The following CARD19 variants were observed in gnomAD, a reference collection of about 807,000 sequenced individuals.
CARD19 encodes the protein caspase recruitment domain-containing protein 19.
CARD19 carries 25 observed loss-of-function variants against 24.1 expected under a neutral mutation model. The observed-to-expected ratio is 1.04, with a 90% CI of 0.76 to 1.45. CARD19 has a LOEUF of 1.45. Ranked by LOEUF, CARD19 falls within the 40% of genes most tolerant of loss-of-function variation. The pLI, the probability that CARD19 is intolerant of heterozygous loss-of-function variation, is 0.00. For synonymous variants in CARD19, 103 were observed against 104.9 expected, an observed-to-expected ratio of 0.98 and a Z score of 0.11; for missense variants, 241 against 247.4, an observed-to-expected ratio of 0.97 and a Z score of 0.17.
At chr9:93,111,675 C>G in intron 3 of CARD19, 1 of 1,392,130 alleles carries the variant, frequency 7.2e-7, no homozygotes, top group Non-Finnish European at 9.3e-7. Flanking sequence ...CTCCCGGGTG[C>G]CTTTAGGCCC....
Position 93,110,695 on chromosome 9 carries a change from G to A in CARD19, c.278G>A (p.Ser93Asn), listed in dbSNP as rs376748435. 5.0e-6 allele frequency: 8 copies of A among 1,611,692 alleles called. No individual in the cohort carries two copies. The highest frequency in any genetic ancestry group is 6.8e-6 in the Non-Finnish European group (8 of 1,179,784). The change falls in exon 3 of 6, where the codon AGC (serine) becomes AAC (asparagine). Residue 93 changes from serine (S) to asparagine (N), a missense_variant. Coordinates refer to ENST00000375464, the MANE Select transcript of CARD19 (RefSeq NM_032310.5). ...ALYIHAQPLH[S>N]RLPSRHALQN... ...TATATCCATGCCCAGCCCCTGCACA[G>A]CCGCCTGCCCAGCCGCCACGCTCTG...
chr9:93,096,245 G>T lies in CARD19; in HGVS notation c.-101G>T. On this transcript the variant is annotated 5_prime_UTR_variant, in exon 1 of 6. Transcript: ENST00000375464. The surrounding 1 kb of genome is among the most constrained non-coding windows in gnomAD (Gnocchi z 5.4). ...AAGGGGCGGGCGAGCACGGCCCGCGGGCGGCGTTCGCTGGAGCTGGTGGAC... is the reference window on the plus strand; with the variant it reads ...AAGGGGCGGGCGAGCACGGCCCGCGTGCGGCGTTCGCTGGAGCTGGTGGAC... 1 of 1,173,654 alleles carries T rather than the reference G, an allele frequency of 8.5e-7. No homozygotes were observed. Among genetic ancestry groups the T allele is most frequent in the Non-Finnish European group, 1.1e-6 (1 of 937,950 alleles). 72.7% of individuals were successfully genotyped at this position (1,173,654 alleles called of 1,614,324 possible). A position where few individuals can be genotyped will look rare whatever the true frequency, so the allele number is the denominator to read the frequency against.
At chr9:93,111,550 C>T (rs1827485404) in intron 3 of CARD19, 1 of 1,226,236 alleles carries the variant, frequency 8.2e-7, no homozygotes, top group Non-Finnish European at 1.0e-6. Context: ...AGGGGAGGCC[C>T]AGCCCTGCAG....
chr9:93,103,481 T>A (rs1276626091), intron 1 of CARD19, among the ~76,000 whole-genome samples: 1 of 152,234 alleles, frequency 6.6e-6, no homozygotes, highest in Non-Finnish European at 1.5e-5. Flanking sequence ...AAAACTTGTA[T>A]TTTTTTGGTT....
At chr9:93,112,024 G>T in intron 4 of CARD19, 86 bp downstream of exon 4, 1 of 1,514,444 alleles carries the variant, frequency 6.6e-7, no homozygotes, top group South Asian at 1.2e-5. Context: ...CCGCCTCAGG[G>T]GCTTCTCCAC....
intron 1 of CARD19, among the ~76,000 whole-genome samples, chr9:93,106,544 G>T (rs1827263640): frequency 6.6e-6 from 1 of 150,412 alleles, no homozygotes; most frequent in South Asian, 2.1e-4. Flanking sequence ...CTCCAGCTTG[G>T]GTGACAGAGC....
At chr9:93,111,155 C>G (rs769756494) in intron 3 of CARD19, 20 of 1,213,690 alleles carry the variant, frequency 1.6e-5, no homozygotes, top group Non-Finnish European at 1.8e-5. Context: ...TTCATTGCAG[C>G]GATCTGCACA....
chr9:93,103,301 G>A (rs1827148857), intron 1 of CARD19, among the ~76,000 whole-genome samples: 1 of 152,124 alleles, frequency 6.6e-6, no homozygotes, highest in Non-Finnish European at 1.5e-5. Context: ...AGGTGGGATG[G>A]TTCCAGGAAT....
In CARD19 at chr9:93,112,989, T is replaced by C. The variant is rs772784339; in HGVS notation, c.437-3T>C. ...AGCTTTTGCCTCCCCTTTTGTCTTC[T>C]AGACCCCAAGGGCCTGCCAGGGACC... is the stretch of plus-strand genomic sequence containing the variant. On this transcript the variant is annotated splice_region_variant and splice_polypyrimidine_tract_variant and intron_variant, in intron 5 of 5. Transcript: ENST00000375464. 1.9e-6 allele frequency: 3 copies of C among 1,602,470 alleles called. No homozygotes were observed. The highest frequency in any genetic ancestry group is 2.6e-6 in the Non-Finnish European group (3 of 1,172,932).
intron 1 of CARD19, among the ~76,000 whole-genome samples, chr9:93,107,046 C>T (rs1827288837): frequency 1.3e-5 from 2 of 152,168 alleles, no homozygotes; most frequent in East Asian, 3.9e-4. Context: ...TGGGAGAACT[C>T]ACTGGTTTAT....
chr9:93,103,988 C>T (rs1827167110), intron 1 of CARD19, among the ~76,000 whole-genome samples: 1 of 152,188 alleles, frequency 6.6e-6, no homozygotes, highest in Non-Finnish European at 1.5e-5. Flanking sequence ...ACCATAGCAT[C>T]TTCTAGACCT....
intron 1 of CARD19, among the ~76,000 whole-genome samples, chr9:93,099,788 G>A (rs1017432502): frequency 8.5e-5 from 13 of 152,234 alleles, no homozygotes; most frequent in African/African-American, 3.1e-4. Context: ...GTGCAGGTGA[G>A]GGCTGAGCCA....
chr9:93,105,183 C>T (rs62573571), intron 1 of CARD19, among the ~76,000 whole-genome samples: 13,542 of 104,506 alleles, frequency 0.13, 739 homozygotes, highest in Middle Eastern at 0.17. Flanking sequence ...TGTGTGCACG[C>T]GCGTGTGTGT....
rs760887140 is a variant in CARD19 at position 93,113,077 on chromosome 9, C to A, written c.522C>A (p.Ala174=). The A allele has an allele frequency of 1.3e-6, 2 of 1,592,304 alleles. No individual in the cohort carries two copies. The highest frequency in any genetic ancestry group is 2.3e-5 in the East Asian group (1 of 44,310). Reference sequence around the variant, plus strand: ...GACATGTCAGCCGCTACCTGCTGGCCTTCCTGGCAGATGACCTAGGGGGGC... The same window carrying A: ...GACATGTCAGCCGCTACCTGCTGGCATTCCTGGCAGATGACCTAGGGGGGC... ...IDRHVSRYLL[A]FLADDLGGL is the part of the protein sequence containing the mutation. Residue 174 remains alanine (A), a synonymous_variant, in exon 6 of 6, where the codon GCC becomes GCA. Coordinates refer to ENST00000375464, the MANE Select transcript of CARD19 (RefSeq NM_032310.5).
intron 1 of CARD19, among the ~76,000 whole-genome samples, chr9:93,101,100 CAG>C (rs1827063030): frequency 6.6e-6 from 1 of 151,752 alleles, no homozygotes; most frequent in Non-Finnish European, 1.5e-5. Context: ...TTATTTGAGA[CAG>C]AGTCTCACTT....
At chr9:93,106,414 T>TAAAAAAAAAAAAAAAA (rs56137204) in intron 1 of CARD19, among the ~76,000 whole-genome samples, 5 of 102,900 alleles carry the variant, frequency 4.9e-5, no homozygotes, top group Non-Finnish European at 1.0e-4. Context: ...CTGTCTCTAC[T>TAAAAAAAAAAAAAAAA]AAAAAAAAAA....
intron 2 of CARD19, chr9:93,110,306 T>C: frequency 2.0e-6 from 1 of 497,756 alleles, no homozygotes; most frequent in Non-Finnish European, 3.5e-6. Flanking sequence ...GCCCCATGCT[T>C]TCTTTGTGAC....
intron 1 of CARD19, among the ~76,000 whole-genome samples, chr9:93,106,588 A>C (rs183266891): frequency 2.7e-4 from 41 of 151,786 alleles, no homozygotes; most frequent in East Asian, 7.7e-4. Flanking sequence ...AAAAAAAAAA[A>C]AACAAAGTTT....
intron 1 of CARD19, among the ~76,000 whole-genome samples, chr9:93,099,712 C>A (rs578254057): frequency 6.3e-4 from 96 of 152,356 alleles, no homozygotes; most frequent in Middle Eastern, 3.4e-3. Context: ...ACTTGACGTC[C>A]CTGTGCTCAG....
Sources: gnomAD v4.1 joint callset for allele counts (sites outside exome capture counted in the v4.1 genomes callset) on GRCh38, gnomAD v4.1.1 for gene constraint, Gnocchi (gnomAD v3.1) non-coding constraint, MANE v1.5 for transcripts, NCBI Gene and HGNC (gene_info 2026-07-23, HGNC 2026-07-21) for gene names.